Variants in PPM1H observed in about 807,000 individuals in gnomAD.
The protein encoded by PPM1H is protein phosphatase 1H.
PPM1H carries 27 observed loss-of-function variants against 54.9 expected under a neutral mutation model. The observed-to-expected ratio is 0.49, with a 90% CI of 0.36 to 0.68. PPM1H has a LOEUF of 0.68. Among genes scored for constraint, PPM1H ranks in the 30% least tolerant of loss-of-function variants. The pLI, the probability that PPM1H is intolerant of heterozygous loss-of-function variation, is 0.00. For missense variants in PPM1H, 596 were observed against 667.8 expected (o/e 0.89, Z 1.19); for synonymous variants, 305 against 270.8 (o/e 1.13, Z -1.24).
chr12:62,754,836 A>T (rs1407224606), intron 4 of PPM1H, among the ~76,000 whole-genome samples: 1 of 152,252 alleles, frequency 6.6e-6, no homozygotes, highest in Non-Finnish European at 1.5e-5. Flanking sequence ...AATTAAAAAC[A>T]GTCGAAATGT....
chr12:62,713,095 C>T (rs962950772), intron 6 of PPM1H, among the ~76,000 whole-genome samples: 1 of 152,130 alleles, frequency 6.6e-6, no homozygotes, highest in Non-Finnish European at 1.5e-5. Context: ...CTGGCAGCTC[C>T]AGACCATGTG....
chr12:62,752,398 A>C (rs2076447300), intron 4 of PPM1H, among the ~76,000 whole-genome samples: 1 of 152,222 alleles, frequency 6.6e-6, no homozygotes, highest in African/African-American at 2.4e-5. Context: ...TTTAAGAATA[A>C]AGTGGTTATC....
chr12:62,843,244 G>C (rs1868822334), intron 1 of PPM1H, among the ~76,000 whole-genome samples: 1 of 152,172 alleles, frequency 6.6e-6, no homozygotes, highest in Admixed American at 6.5e-5. Flanking sequence ...TGGAACCCCG[G>C]AGGTGGAGGA....
intron 5 of PPM1H, among the ~76,000 whole-genome samples, chr12:62,725,192 A>G (rs549866526): frequency 1.6e-4 from 24 of 152,302 alleles, no homozygotes; most frequent in African/African-American, 4.8e-4. Context: ...GATGCTTAAC[A>G]AGCCCTTCAC....
chr12:62,665,529 C>T (rs934230450), intron 9 of PPM1H, among the ~76,000 whole-genome samples: 4 of 152,090 alleles, frequency 2.6e-5, no homozygotes, highest in African/African-American at 7.2e-5. Flanking sequence ...TTCACATTGT[C>T]TTTTCTCTTT....
At chr12:62,859,264 A>C (rs1225460359) in intron 1 of PPM1H, among the ~76,000 whole-genome samples, 11 of 151,668 alleles carry the variant, frequency 7.3e-5, no homozygotes, top group Admixed American at 1.3e-4. Context: ...AGGGGGAAAT[A>C]GTGTGTAAAA....
intron 3 of PPM1H, among the ~76,000 whole-genome samples, chr12:62,798,156 T>C (rs957889981): frequency 6.6e-6 from 1 of 152,222 alleles, no homozygotes; most frequent in Non-Finnish European, 1.5e-5. Context: ...CAGTCTGTAG[T>C]CTGTACCTTT....
intron 1 of PPM1H, among the ~76,000 whole-genome samples, chr12:62,923,504 C>T (rs7972471): frequency 0.39 from 59,545 of 152,028 alleles, 11,947 homozygotes; most frequent in South Asian, 0.48. Flanking sequence ...CGGGTTCAAG[C>T]GATTCTCCTG....
At chr12:62,871,321 A>G (rs1869970344) in intron 1 of PPM1H, among the ~76,000 whole-genome samples, 1 of 152,072 alleles carries the variant, frequency 6.6e-6, no homozygotes, top group South Asian at 2.1e-4. Context: ...ATTTATATGA[A>G]ATGTTCAGAA....
chr12:62,708,608 C>T (rs1461909062), intron 6 of PPM1H, among the ~76,000 whole-genome samples: 1 of 152,232 alleles, frequency 6.6e-6, no homozygotes, highest in Non-Finnish European at 1.5e-5. Context: ...GTACCTACTT[C>T]TCTGGAATTT....
At chr12:62,877,124 T>G (rs189624614) in intron 1 of PPM1H, among the ~76,000 whole-genome samples, 132 of 152,298 alleles carry the variant, frequency 8.7e-4, no homozygotes, top group Non-Finnish European at 1.7e-3. Context: ...AGAAATACAG[T>G]CTATGCTCAG....
intron 1 of PPM1H, among the ~76,000 whole-genome samples, chr12:62,897,744 C>T (rs1405181912): frequency 1.3e-5 from 2 of 152,014 alleles, no homozygotes; most frequent in Non-Finnish European, 2.9e-5. Context: ...AGATCTCTTT[C>T]AAGACTCTAA....
intron 4 of PPM1H, among the ~76,000 whole-genome samples, chr12:62,740,302 A>G (rs1592573136): frequency 6.6e-6 from 1 of 152,232 alleles, no homozygotes; most frequent in South Asian, 2.1e-4. Context: ...TTTTGTTGCT[A>G]CATCCCTTGG....
chr12:62,859,029 G>A (rs1031771109), intron 1 of PPM1H, among the ~76,000 whole-genome samples: 10 of 152,086 alleles, frequency 6.6e-5, no homozygotes, highest in Admixed American at 1.3e-4. Flanking sequence ...TAAAAAATCC[G>A]TAAAGTCAGA....
In PPM1H at chr12:62,701,640, A is replaced by C. The variant is rs574301582; in HGVS notation, c.1074-7641T>G. Among the ~76,000 whole-genome samples, 12 of 149,322 alleles carry C rather than the reference A, an allele frequency of 8.0e-5. 1 individual carries two copies. In the South Asian group the frequency reaches 2.5e-3, roughly 32 times the overall value. On this transcript the variant is annotated intron_variant, in intron 6 of 9. Coordinates refer to ENST00000228705, the MANE Select transcript of PPM1H (RefSeq NM_020700.2). ...CCTTTGCACTCTGACATCGTCGATC[A>C]CTCTGCTACGCCTTGTAACAATGGC...
intron 4 of PPM1H, among the ~76,000 whole-genome samples, chr12:62,777,449 A>G (rs1449242245): frequency 1.3e-5 from 2 of 152,234 alleles, no homozygotes; most frequent in African/African-American, 4.8e-5. Context: ...CATGGAAGGC[A>G]TAAAAATATT....
Position 62,842,692 on chromosome 12 carries a change from A to G in PPM1H, c.246-10413T>C, listed in dbSNP as rs76536392. 3.9e-4 allele frequency among the ~76,000 whole-genome samples: 59 copies of G among 152,366 alleles called. 1 individual carries two copies. The East Asian group carries it at 0.01, about 27-fold the overall frequency. ...TGTAGTAAGGAGGGTTTTAAGCCCTAACTTGGGAGTTATCTTTAAAGAGGT... is the reference window on the plus strand; with the variant it reads ...TGTAGTAAGGAGGGTTTTAAGCCCTGACTTGGGAGTTATCTTTAAAGAGGT... On this transcript the variant is annotated intron_variant, in intron 1 of 9. Coordinates refer to ENST00000228705, the MANE Select transcript of PPM1H (RefSeq NM_020700.2).
At chr12:62,917,440 T>C (rs1871659635) in intron 1 of PPM1H, among the ~76,000 whole-genome samples, 1 of 152,178 alleles carries the variant, frequency 6.6e-6, no homozygotes, top group Admixed American at 6.5e-5. Flanking sequence ...CAACTTTTAG[T>C]CGACCCTAAT....
In PPM1H at chr12:62,934,320, A is replaced by T. The variant is rs1006315103; in HGVS notation, c.245+172T>A. On this transcript the variant is annotated intron_variant, in intron 1 of 9. Transcript: ENST00000228705. The surrounding 1 kb of genome is among the most constrained non-coding windows in gnomAD (Gnocchi z 4.2). ...GCGTCCTTGGGCTGGGGGAAGAGGG[A>T]GTGGGGAGAAGAGGGAAATGGCCAG... 2.0e-5 allele frequency among the ~76,000 whole-genome samples: 3 copies of T among 151,982 alleles called. No individual in the cohort carries two copies. Among genetic ancestry groups the T allele is most frequent in the African/African-American group, 7.3e-5 (3 of 41,360 alleles).
Sources: allele counts gnomAD v4.1 joint callset (sites outside exome capture counted in the v4.1 genomes callset), GRCh38; gene constraint gnomAD v4.1.1; non-coding constraint Gnocchi (gnomAD v3.1); transcripts MANE v1.5; gene names NCBI Gene and HGNC (gene_info 2026-07-23, HGNC 2026-07-21).